Variants in ZNF653 observed in about 807,000 individuals in gnomAD.
The protein encoded by ZNF653 is 67 kDa zinc finger protein.
ZNF653 carries 37 observed loss-of-function variants against 59.9 expected under a neutral mutation model. The observed-to-expected ratio is 0.62, with a 90% CI of 0.48 to 0.81. The LOEUF is 0.81. ZNF653 is among the 40% of genes least tolerant of loss of function. The probability of loss-of-function intolerance (pLI) is 0.00; values close to 1 mark genes in which losing one functional copy is unlikely to be tolerated. For missense variants in ZNF653, 808 were observed against 881.1 expected, an observed-to-expected ratio of 0.92 and a Z score of 1.05; for synonymous variants, 435 against 371.8, an observed-to-expected ratio of 1.17 and a Z score of -1.96.
At chr19:11,503,110 G>T (rs1055286101) in intron 1 of ZNF653, among the ~76,000 whole-genome samples, 2 of 151,928 alleles carry the variant, frequency 1.3e-5, no homozygotes, top group Non-Finnish European at 2.9e-5. Flanking sequence ...ACAAAATCTT[G>T]CACTTAAGAA....
chr19:11,498,769 ATGTC>A (rs1971614477), intron 1 of ZNF653, among the ~76,000 whole-genome samples: 1 of 141,224 alleles, frequency 7.1e-6, no homozygotes, highest in Non-Finnish European at 1.5e-5. Flanking sequence ...TTTTGAGACA[ATGTC>A]TGTCTCTGTT....
At chr19:11,484,603 G>C (rs1423904513) in intron 7 of ZNF653, among the ~76,000 whole-genome samples, 7 of 151,840 alleles carry the variant, frequency 4.6e-5, no homozygotes, top group African/African-American at 1.7e-4. Context: ...TAGAGACGGG[G>C]TTTCTCTATG....
chr19:11,496,294 G>A, intron 2 of ZNF653, 129 bp from the exon 3 acceptor site: 1 of 872,816 alleles, frequency 1.1e-6, no homozygotes, highest in South Asian at 1.7e-5. Context: ...ATCCAGGCCT[G>A]TACCCAGTTT....
chr19:11,499,817 TG>T (rs1429420350), intron 1 of ZNF653, among the ~76,000 whole-genome samples: 1 of 151,638 alleles, frequency 6.6e-6, no homozygotes, highest in Non-Finnish European at 1.5e-5. Flanking sequence ...GAGGTTAAGG[TG>T]GGAGGATCAC....
intron 1 of ZNF653, among the ~76,000 whole-genome samples, chr19:11,499,040 T>A (rs1331037438): frequency 6.6e-6 from 1 of 152,200 alleles, no homozygotes; most frequent in African/African-American, 2.4e-5. Flanking sequence ...TCTGAACTTC[T>A]ATGTACCTTT....
Position 11,505,526 on chromosome 19 carries a change from G to C in ZNF653, c.261C>G (p.Leu87=). The stretch of plus-strand genomic sequence containing the variant: ...TCCGCTGGCCGCGCTCCAGAGAGAT[G>C]AGGTAGGCGGCGAGCTTGGCGTCGC... ...GWSDAKLAAY[L]ISLERGQRSG... is the part of the protein sequence containing the mutation. Residue 87 remains leucine (L), a synonymous_variant, in exon 1 of 9, where the codon CTC becomes CTG. Coordinates refer to ENST00000293771, the MANE Select transcript of ZNF653 (RefSeq NM_138783.4). The C allele has an allele frequency of 6.6e-7, 1 of 1,515,236 alleles. No individual in the cohort carries two copies. The highest frequency in any genetic ancestry group is 8.7e-7 in the Non-Finnish European group (1 of 1,143,746). The allele number at this position is 1,515,236 out of a possible 1,614,324, so 93.9% of individuals were successfully genotyped here.
At chr19:11,489,971 G>A (rs79961177) in intron 3 of ZNF653, among the ~76,000 whole-genome samples, 2,342 of 152,278 alleles carry the variant, frequency 0.015, 64 homozygotes, top group African/African-American at 0.054. Context: ...CCAACTGAAT[G>A]TCCAATAATT....
At chr19:11,505,208 G>A (rs867307040) in intron 1 of ZNF653, 4 of 397,934 alleles carry the variant, frequency 1.0e-5, no homozygotes, top group Non-Finnish European at 1.8e-5. Context: ...GCCAGTCCCA[G>A]GATTGGGCCG....
At chr19:11,494,354 TAACATA>T (rs925863382) in intron 3 of ZNF653, among the ~76,000 whole-genome samples, 4 of 146,556 alleles carry the variant, frequency 2.7e-5, no homozygotes, top group South Asian at 4.3e-4. Context: ...TAACATAACA[TAACATA>T]ACATAACATA....
intron 3 of ZNF653, among the ~76,000 whole-genome samples, chr19:11,489,282 C>T (rs754401056): frequency 1.3e-5 from 2 of 152,086 alleles, no homozygotes; most frequent in African/African-American, 2.4e-5. Context: ...TCACTGCAAC[C>T]TCTACCTCCC....
In ZNF653 at chr19:11,487,698, G is replaced by C. The variant is rs1270285191; in HGVS notation, c.765C>G (p.Ala255=). Residue 255 remains alanine, a synonymous_variant, in exon 4 of 9, where the codon GCC becomes GCG. Coordinates refer to ENST00000293771, the MANE Select transcript of ZNF653 (RefSeq NM_138783.4). This position sits in a 1 kb window ranked among gnomAD's most constrained non-coding sequence, Gnocchi z 5.1. ...PFDVHHVESL[A]EQGTPLCSNP... is the part of the protein sequence containing the mutation. ...TGGAGCACAGCGGGGTACCCTGCTCGGCCAGGCTTTCCACGTGGTGGACGT... is the reference window on the plus strand; with the variant it reads ...TGGAGCACAGCGGGGTACCCTGCTCCGCCAGGCTTTCCACGTGGTGGACGT... The C allele has an allele frequency of 6.2e-7, 1 of 1,613,808 alleles. No homozygotes were observed. Among genetic ancestry groups the C allele is most frequent in the African/African-American group, 1.3e-5 (1 of 75,060 alleles).
chr19:11,487,496 CAAT>C lies in ZNF653; in HGVS notation c.964_966del (p.Ile322del). The C allele has an allele frequency of 6.2e-7, 1 of 1,613,902 alleles. No homozygotes were observed. Among genetic ancestry groups the C allele is most frequent in the South Asian group, 1.1e-5 (1 of 91,090 alleles). ...GTGAGAGCGTCGTAACCAGGGCCCGCAATGATGATCACCTGTGAGCCGGGCACC... is the reference window on the plus strand; with the variant it reads ...GTGAGAGCGTCGTAACCAGGGCCCGCGATGATCACCTGTGAGCCGGGCACC... On this transcript the variant is annotated inframe_deletion, in exon 4 of 9. Coordinates refer to ENST00000293771, the MANE Select transcript of ZNF653 (RefSeq NM_138783.4). This position sits in a 1 kb window ranked among gnomAD's most constrained non-coding sequence, Gnocchi z 5.1.
chr19:11,505,737 C>A lies in ZNF653; in HGVS notation c.50G>T (p.Gly17Val). The part of the protein sequence containing the change: ...EPEAEAEAEA[G>V]AGGEAAAEEG... ...CTCGGCTGCTGCCTCCCCGCCCGCG[C>A]CCGCCTCAGCCTCCGCCTCCGCCTC... The change falls in exon 1 of 9, where the codon GGC (glycine) becomes GTC (valine). Residue 17 changes from glycine (G) to valine (V), a missense_variant. Transcript: ENST00000293771. 6.9e-7 allele frequency: 1 copy of A among 1,447,308 alleles called. No individual in the cohort carries two copies. 89.7% of individuals were successfully genotyped at this position (1,447,308 alleles called of 1,614,324 possible).
intron 1 of ZNF653, among the ~76,000 whole-genome samples, chr19:11,499,611 TAA>T (rs764982889): frequency 3.2e-4 from 36 of 112,950 alleles, no homozygotes; most frequent in Admixed American, 2.7e-4. Context: ...TTTATACAAT[TAA>T]AAAAAAAAAA....
chr19:11,502,714 C>T (rs564524862), intron 1 of ZNF653, among the ~76,000 whole-genome samples: 4 of 152,178 alleles, frequency 2.6e-5, no homozygotes, highest in Admixed American at 1.3e-4. Flanking sequence ...GGCCCAGGCC[C>T]GGGTATGGTT....
Position 11,495,839 on chromosome 19 carries a change from C to G in ZNF653, c.559+111G>C. ...TCCCTGCTCTGCCCCAGTGCCAGAG[C>G]CAGAGCCAGAGCCACTGTGGCTGCT... On this transcript the variant is annotated intron_variant, in intron 3 of 8. Transcript: ENST00000293771. This position sits in a 1 kb window ranked among gnomAD's most constrained non-coding sequence, Gnocchi z 4.9. 1 of 1,162,908 alleles carries G rather than the reference C, an allele frequency of 8.6e-7. No homozygotes were observed. The highest frequency in any genetic ancestry group is 1.2e-6 in the Non-Finnish European group (1 of 824,344). 72.0% of individuals were successfully genotyped at this position (1,162,908 alleles called of 1,614,324 possible).
intron 6 of ZNF653, 123 bp downstream of exon 6, chr19:11,486,644 CCT>C (rs1306665270): frequency 6.5e-6 from 5 of 768,868 alleles, no homozygotes; most frequent in African/African-American, 1.8e-5. Context: ...GTGACAAGTC[CCT>C]GTCTTTGCCT....
In ZNF653 at chr19:11,495,868, C is replaced by A. The variant is rs1400858682; in HGVS notation, c.559+82G>T. On this transcript the variant is annotated intron_variant, in intron 3 of 8. Transcript: ENST00000293771. This position sits in a 1 kb window ranked among gnomAD's most constrained non-coding sequence, Gnocchi z 4.9. ...AGCCAGAGCCACTGTGGCTGCTATT[C>A]TGTTTGTGATGCTAGCCTAGGGCTC... The A allele has an allele frequency of 7.1e-7, 1 of 1,400,172 alleles. No individual in the cohort carries two copies. The highest frequency in any genetic ancestry group is 9.8e-7 in the Non-Finnish European group (1 of 1,024,502). The allele number at this position is 1,400,172 out of a possible 1,614,324, so 86.7% of individuals were successfully genotyped here.
chr19:11,487,158 T>C lies in ZNF653; in HGVS notation c.1172A>G (p.Glu391Gly). ...CTTTAGCAAGCACAGGTCCTCCTTCTCTACAGGGTGGACACAGGGTGGTGT... is the reference window on the plus strand; with the variant it reads ...CTTTAGCAAGCACAGGTCCTCCTTCCCTACAGGGTGGACACAGGGTGGTGT... ...TAVAGIETKKEKEDLCLLKKE... is the reference protein window; with the variant it reads ...TAVAGIETKKGKEDLCLLKKE... The change falls in exon 5 of 9, where the codon GAG becomes GGG. Residue 391 changes from glutamate to glycine, a missense_variant and splice_region_variant. Coordinates refer to ENST00000293771, the MANE Select transcript of ZNF653 (RefSeq NM_138783.4). The surrounding 1 kb of genome is among the most constrained non-coding windows in gnomAD (Gnocchi z 5.1). 6.2e-7 allele frequency: 1 copy of C among 1,610,754 alleles called. No homozygotes were observed. The highest frequency in any genetic ancestry group is 8.5e-7 in the Non-Finnish European group (1 of 1,179,838).
Sources: allele counts gnomAD v4.1 joint callset (sites outside exome capture counted in the v4.1 genomes callset), GRCh38; gene constraint gnomAD v4.1.1; non-coding constraint Gnocchi (gnomAD v3.1); transcripts MANE v1.5; gene names NCBI Gene and HGNC (gene_info 2026-07-23, HGNC 2026-07-21).